The following NXF3 variants were observed in gnomAD, a reference collection of about 807,000 sequenced individuals.
NXF3 encodes the protein nuclear RNA export factor 3.
NXF3 carries 34 observed loss-of-function variants against 48.4 expected under a neutral mutation model. That is an observed-to-expected ratio of 0.70 (90% CI 0.53 to 0.93). The LOEUF (loss-of-function observed/expected upper bound fraction) is 0.93. NXF3 is among the 40% of genes least tolerant of loss of function. The probability of loss-of-function intolerance (pLI) is 0.00; values close to 1 mark genes in which losing one functional copy is unlikely to be tolerated. For synonymous variants in NXF3, 132 were observed against 145.7 expected (o/e 0.91, Z 0.68); for missense variants, 359 against 406.1 (o/e 0.88, Z 1.00).
intron 1 of NXF3, chrX:103,088,233 T>TA: frequency 1.4e-6 from 1 of 704,853 alleles, no homozygotes; most frequent in Non-Finnish European, 2.1e-6. Flanking sequence ...GTGCTAGGAG[T>TA]AAAAAATTAG....
chrX:103,090,942 AT>A (rs1221804410), intron 1 of NXF3, among the ~76,000 whole-genome samples: 2 of 112,146 alleles, frequency 1.8e-5, no homozygotes, highest in African/African-American at 6.5e-5. Flanking sequence ...GGTTTACAGA[AT>A]TTGCTTAATA....
At chrX:103,088,371 A>T (rs1922203369) in intron 1 of NXF3, 2 of 547,593 alleles carry the variant, frequency 3.7e-6, no homozygotes, top group East Asian at 7.0e-5. Flanking sequence ...AACATGGAAC[A>T]TATAAAACAA....
chrX:103,084,464 T>C lies in NXF3; in HGVS notation c.229A>G (p.Lys77Glu). 8.3e-7 allele frequency: 1 copy of C among 1,211,732 alleles called. No homozygotes were observed. The highest frequency in any genetic ancestry group is 1.1e-6 in the Non-Finnish European group (1 of 895,472). Reference sequence around the variant, plus strand: ...TGGTCTTGTTTACGAAAACTGCCTTTCCGATTATAGGGTGAAATAGTATAG... The same window carrying C: ...TGGTCTTGTTTACGAAAACTGCCTTCCCGATTATAGGGTGAAATAGTATAG... ...TPYTISPYNR[K>E]GSFRKQDQTH... Residue 77 changes from lysine to glutamate, a missense_variant, in exon 3 of 20, where the codon AAA becomes GAA. By Grantham distance (56) the Lys-to-Glu change is moderately conservative. Transcript: ENST00000395065.
At chrX:103,088,130 T>C in intron 1 of NXF3, 1 of 973,312 alleles carries the variant, frequency 1.0e-6, no homozygotes, top group Non-Finnish European at 1.4e-6. Flanking sequence ...AACACATGTG[T>C]TTTCCTGCTA....
intron 1 of NXF3, among the ~76,000 whole-genome samples, chrX:103,085,652 C>G (rs1417340009): frequency 1.8e-5 from 2 of 111,191 alleles, no homozygotes; most frequent in Non-Finnish European, 3.8e-5. Flanking sequence ...GCCTGTAATC[C>G]CAGCACTTTG....
At chrX:103,087,611 G>C (rs1259049785) in intron 1 of NXF3, 21 of 969,116 alleles carry the variant, frequency 2.2e-5, no homozygotes, top group Non-Finnish European at 3.1e-5. Context: ...GGAAAGATGG[G>C]CATTACACCC....
chrX:103,082,830 G>C lies in NXF3; in HGVS notation c.710C>G (p.Thr237Ser). The C allele has an allele frequency of 8.3e-7, 1 of 1,209,660 alleles. No homozygotes were observed. The highest frequency in any genetic ancestry group is 1.1e-6 in the Non-Finnish European group (1 of 893,717). ...CTTTCTAGGATTCGATGCCATCTTA[G>C]TATCACGGTTCACCATGTCTCCAGA... is the stretch of plus-strand genomic sequence containing the variant. Reference protein sequence around the residue: ...PFYPDMVNRDTKMASNPRKCM... With the variant: ...PFYPDMVNRDSKMASNPRKCM... The change falls in exon 8 of 20, where the codon ACT becomes AGT. Residue 237 changes from threonine (T) to serine (S), a missense_variant. Thr to Ser is a moderately conservative substitution (Grantham distance 58). Transcript: ENST00000395065.
intron 10 of NXF3, 109 bp from the exon 11 acceptor site, chrX:103,080,325 C>T (rs944777869): frequency 5.6e-5 from 46 of 824,614 alleles, no homozygotes; most frequent in Non-Finnish European, 7.4e-5. Flanking sequence ...GGTGTGAAAG[C>T]GTTCTGGAAA....
chrX:103,080,895 G>A (rs940478485), intron 9 of NXF3: 56 of 361,902 alleles, frequency 1.5e-4, no homozygotes, highest in Admixed American at 1.4e-4. Flanking sequence ...CTGGATGTCC[G>A]TCAGTCTGCC....
intron 1 of NXF3, among the ~76,000 whole-genome samples, chrX:103,085,323 G>A (rs1291686792): frequency 8.9e-6 from 1 of 111,977 alleles, no homozygotes; most frequent in East Asian, 2.8e-4. Context: ...TTGGGTTTAG[G>A]TGATACTAAT....
rs752905037 is a variant in NXF3, at chrX:103,083,004, C to T, written c.691G>A (p.Asp231Asn). The change falls in exon 7 of 20, where the codon GAC becomes AAC. Residue 231 changes from aspartate to asparagine, a missense_variant and splice_region_variant. Asp to Asn is a conservative substitution (Grantham distance 23). Transcript: ENST00000395065. The part of the protein sequence containing the change: ...LDIQRLPFYP[D>N]MVNRDTKMAS... Reference sequence around the variant, plus strand: ...CATAGAATTACTTTCTCAGCCATACCTGGGTAAAATGGGAGTCTCTGGATA... The same window carrying T: ...CATAGAATTACTTTCTCAGCCATACTTGGGTAAAATGGGAGTCTCTGGATA... 5.0e-6 allele frequency: 6 copies of T among 1,206,503 alleles called. No homozygotes were observed. The South Asian group carries it at 1.1e-4, about 21-fold the overall frequency.
At chrX:103,091,537 T>C (rs1264570146) in intron 1 of NXF3, among the ~76,000 whole-genome samples, 2 of 108,795 alleles carry the variant, frequency 1.8e-5, no homozygotes, top group Non-Finnish European at 3.8e-5. Flanking sequence ...GTAAGGGACT[T>C]GAGTATACTT....
chrX:103,077,565 T>G (rs1241611375), intron 18 of NXF3, 49 bp downstream of exon 18: 2 of 1,201,432 alleles, frequency 1.7e-6, no homozygotes, highest in Admixed American at 4.4e-5. Flanking sequence ...CACTCACTTC[T>G]GAGGCAACTG....
At chrX:103,092,173 ATAGT>A (rs1341290328) in intron 1 of NXF3, among the ~76,000 whole-genome samples, 1 of 110,611 alleles carries the variant, frequency 9.0e-6, no homozygotes, top group Non-Finnish European at 1.9e-5. Context: ...ATTTACGGAC[ATAGT>A]TTGATTGGCT....
chrX:103,076,138 G>A (rs1921865369), intron 19 of NXF3, 103 bp downstream of exon 19: 2 of 572,898 alleles, frequency 3.5e-6, no homozygotes, highest in East Asian at 6.7e-5. Flanking sequence ...TTGGCCGAGA[G>A]GAAGTGCAGG....
intron 1 of NXF3, chrX:103,088,904 A>G: frequency 4.2e-6 from 5 of 1,194,949 alleles, no homozygotes; most frequent in Non-Finnish European, 5.7e-6. Context: ...CTGGTGTTCA[A>G]AAATACGAGG....
At chrX:103,087,845 G>GT in intron 1 of NXF3, 1 of 948,507 alleles carries the variant, frequency 1.1e-6, no homozygotes, top group Non-Finnish European at 1.5e-6. Context: ...TTTCAATGTT[G>GT]TTTTTGTCAA....
chrX:103,089,495 G>C (rs1304167493), intron 1 of NXF3, among the ~76,000 whole-genome samples: 3 of 112,160 alleles, frequency 2.7e-5, no homozygotes, highest in Non-Finnish European at 5.6e-5. Context: ...ATGATTTGAT[G>C]CTATAAAGTA....
chrX:103,076,293 C>T lies in NXF3; in HGVS notation c.1593G>A (p.Ser531=), dbSNP rs902576447. 1.3e-5 allele frequency: 16 copies of T among 1,209,438 alleles called. No individual in the cohort carries two copies. The highest frequency in any genetic ancestry group is 3.5e-5 in the African/African-American group (2 of 57,069). ...TCTGACGTAGTCACACTGGTTGTTA[C>T]GAAGGCAGCTGTGGTGGAGGAAGGA... is the stretch of plus-strand genomic sequence containing the variant. ...FSQEQQKMLP[S] The change falls in exon 19 of 20, where the codon TCG becomes TCA. Residue 531 remains serine, a synonymous_variant. Transcript: ENST00000395065.
Sources: allele counts gnomAD v4.1 joint callset (sites outside exome capture counted in the v4.1 genomes callset), GRCh38; gene constraint gnomAD v4.1.1; transcripts MANE v1.5; gene names NCBI Gene and HGNC (gene_info 2026-07-23, HGNC 2026-07-21).